Variants in BCAR3 observed in about 807,000 individuals in gnomAD.
BCAR3 encodes the protein breast cancer anti-estrogen resistance protein 3.
BCAR3 carries 37 observed loss-of-function variants against 80.1 expected under a neutral mutation model. The ratio of observed to expected loss-of-function variants is 0.46; its 90% CI spans 0.36 to 0.61. BCAR3 has a LOEUF of 0.61. Among genes scored for constraint, BCAR3 ranks in the 20% least tolerant of loss-of-function variants. The pLI is 0.00. For missense variants in BCAR3, 978 were observed against 1,068.2 expected, an observed-to-expected ratio of 0.92 and a Z score of 1.18; for synonymous variants, 389 against 418.9, an observed-to-expected ratio of 0.93 and a Z score of 0.87.
intron 2 of BCAR3, among the ~76,000 whole-genome samples, chr1:93,723,148 C>T (rs951718528): frequency 3.3e-5 from 5 of 152,196 alleles, no homozygotes; most frequent in African/African-American, 1.2e-4. Context: ...TGACTTGGCC[C>T]CAGGAATAAG....
chr1:93,579,027 C>T (rs562441064), intron 7 of BCAR3, among the ~76,000 whole-genome samples: 2 of 152,300 alleles, frequency 1.3e-5, no homozygotes, highest in South Asian at 2.1e-4. Context: ...TCACTTCTAG[C>T]TATAGGCAAA....
rs569416857 is a variant in BCAR3 at position 93,761,552 on chromosome 1, G to A, written c.-62-55410C>T. ...CTTTGTTTTCACCATGAGAGCAGGC[G>A]TAAGTGGTGACCCAGAAAGGCTTGG... On this transcript the variant is annotated intron_variant, in intron 2 of 13. Transcript: ENST00000370244. Among the ~76,000 whole-genome samples, 32 of 152,280 alleles carry A rather than the reference G, an allele frequency of 2.1e-4. No homozygotes were observed. In the East Asian group the frequency reaches 4.1e-3, roughly 19 times the overall value.
Position 93,589,209 on chromosome 1 carries a change from A to C in BCAR3, c.697T>G (p.Cys233Gly), listed in dbSNP as rs774148679. The C allele has an allele frequency of 6.2e-7, 1 of 1,613,910 alleles. No homozygotes were observed. Among genetic ancestry groups the C allele is most frequent in the Admixed American group, 1.7e-5 (1 of 60,018 alleles). Residue 233 changes from cysteine (C) to glycine (G), a missense_variant, in exon 5 of 12, where the codon TGC becomes GGC. Cys to Gly is a radical substitution (Grantham distance 159, BLOSUM62 -3). Coordinates refer to ENST00000260502, the MANE Select transcript of BCAR3 (RefSeq NM_003567.4). The stretch of plus-strand genomic sequence containing the variant: ...ATGGGCCGGCGGTTGCCCACGTAGC[A>C]GCGCACCAGGCCGGGGATGGAGTCG... ...SFDSIPGLVRCYVGNRRPISQ... is the reference protein window; with the variant it reads ...SFDSIPGLVRGYVGNRRPISQ...
At chr1:93,820,212 C>T (rs78556600) in intron 2 of BCAR3, among the ~76,000 whole-genome samples, 3,959 of 152,306 alleles carry the variant, frequency 0.026, 158 homozygotes, top group African/African-American at 0.089. Context: ...CTTAATACTT[C>T]TGACACCAAA....
intron 7 of BCAR3, among the ~76,000 whole-genome samples, chr1:93,578,891 T>C (rs1249478765): frequency 6.6e-6 from 1 of 152,200 alleles, no homozygotes; most frequent in Admixed American, 6.5e-5. Context: ...ATTATCTCAT[T>C]TAGTCCTCGC....
At chr1:93,807,670 C>T (rs1653701476) in intron 2 of BCAR3, among the ~76,000 whole-genome samples, 1 of 152,096 alleles carries the variant, frequency 6.6e-6, no homozygotes, top group African/African-American at 2.4e-5. Flanking sequence ...GTTAATCTTT[C>T]CTGGTTAGTT....
intron 2 of BCAR3, among the ~76,000 whole-genome samples, chr1:93,718,688 CTTTTT>C (rs71094259): frequency 3.9e-5 from 3 of 77,052 alleles, no homozygotes; most frequent in Admixed American, 1.7e-4. Context: ...CATTGTTTTT[CTTTTT>C]TTTTTTTTTT....
intron 2 of BCAR3, among the ~76,000 whole-genome samples, chr1:93,645,009 A>T (rs1676110894): frequency 6.6e-6 from 1 of 152,232 alleles, no homozygotes; most frequent in Non-Finnish European, 1.5e-5. Context: ...TTTGCGTGAG[A>T]AACTGAACTG....
chr1:93,817,933 C>T (rs961204235), intron 2 of BCAR3, among the ~76,000 whole-genome samples: 3 of 152,174 alleles, frequency 2.0e-5, no homozygotes, highest in African/African-American at 7.2e-5. Flanking sequence ...CTGCCAGTCC[C>T]AAGGAAGCTT....
chr1:93,762,403 T>C (rs1236742616), intron 2 of BCAR3, among the ~76,000 whole-genome samples: 1 of 152,214 alleles, frequency 6.6e-6, no homozygotes, highest in Non-Finnish European at 1.5e-5. Context: ...CCCATCATGG[T>C]GACCATAGAA....
intron 2 of BCAR3, among the ~76,000 whole-genome samples, chr1:93,810,118 G>A (rs1571143359): frequency 2.0e-5 from 3 of 149,282 alleles, no homozygotes; most frequent in Non-Finnish European, 3.0e-5. Flanking sequence ...GCTTGAACCC[G>A]TGAGGCGGAG....
At chr1:93,571,500 G>GAA in intron 9 of BCAR3, 170 bp downstream of exon 9, 46 of 725,712 alleles carry the variant, frequency 6.3e-5, no homozygotes, top group East Asian at 1.3e-4. Flanking sequence ...TCTCAAAAAA[G>GAA]AAAAAAAAAA....
At chr1:93,656,557 G>GTACCA (rs1363886618) in intron 2 of BCAR3, among the ~76,000 whole-genome samples, 7 of 149,294 alleles carry the variant, frequency 4.7e-5, no homozygotes, top group African/African-American at 1.7e-4. Context: ...AAAAAAAAAT[G>GTACCA]TACCATACAT....
intron 3 of BCAR3, among the ~76,000 whole-genome samples, chr1:93,687,677 A>G (rs1649022266): frequency 6.6e-6 from 1 of 152,158 alleles, no homozygotes; most frequent in Non-Finnish European, 1.5e-5. Flanking sequence ...ACAACATAAC[A>G]ATGACTTCTG....
intron 3 of BCAR3, among the ~76,000 whole-genome samples, chr1:93,631,263 T>TGGAC (rs1231652107): frequency 6.6e-6 from 1 of 152,214 alleles, no homozygotes; most frequent in Non-Finnish European, 1.5e-5. Flanking sequence ...AGTCAGTGGA[T>TGGAC]TAGGGCCCAT....
Position 93,589,092 on chromosome 1 carries a change from G to C in BCAR3, c.814C>G (p.Gln272Glu), listed in dbSNP as rs748639520. The change falls in exon 5 of 12, where the codon CAG (glutamine) becomes GAG (glutamate). Residue 272 changes from glutamine (Q) to glutamate (E), a missense_variant. Gln to Glu is a conservative substitution (Grantham distance 29). Transcript: ENST00000260502. ...LEEHYGTSPG[Q>E]AREGSLTKGR... ...TTGGTGAGGCTGCCCTCCCGGGCCT[G>C]GCCTGGGGAGGTGCCATAATGCTCC... is the stretch of plus-strand genomic sequence containing the variant. 1.9e-6 allele frequency: 3 copies of C among 1,612,838 alleles called. No individual in the cohort carries two copies. Among genetic ancestry groups the C allele is most frequent in the Non-Finnish European group, 1.7e-6 (2 of 1,179,420 alleles).
intron 8 of BCAR3, 22 bp from the exon 9 acceptor site, chr1:93,571,863 G>T (rs1557837093): frequency 6.2e-7 from 1 of 1,606,850 alleles, no homozygotes; most frequent in South Asian, 1.1e-5. Context: ...GAGATCAGCG[G>T]TCAGGTTCAG....
intron 2 of BCAR3, among the ~76,000 whole-genome samples, chr1:93,830,836 C>G (rs184084704): frequency 1.3e-5 from 2 of 152,152 alleles, no homozygotes; most frequent in Non-Finnish European, 2.9e-5. Context: ...CCACCTACCA[C>G]CTCAGGTCTT....
intron 2 of BCAR3, among the ~76,000 whole-genome samples, chr1:93,806,791 T>A (rs1299743617): frequency 6.6e-6 from 1 of 152,180 alleles, no homozygotes; most frequent in East Asian, 1.9e-4. Flanking sequence ...TATTTTGGGT[T>A]ATCGTTTTCT....
Sources: allele counts gnomAD v4.1 joint callset (sites outside exome capture counted in the v4.1 genomes callset), GRCh38; gene constraint gnomAD v4.1.1; transcripts MANE v1.5; gene names NCBI Gene and HGNC (gene_info 2026-07-23, HGNC 2026-07-21).